The following VPS8 variants were observed in gnomAD, a reference collection of about 807,000 sequenced individuals.
VPS8 encodes vacuolar protein sorting-associated protein 8 homolog.
In VPS8, 129 loss-of-function variants were observed where a neutral mutation model predicts 216.4. That is an observed-to-expected ratio of 0.60 (90% CI 0.52 to 0.69). The LOEUF (loss-of-function observed/expected upper bound fraction) is 0.69. Among genes scored for constraint, VPS8 ranks in the 30% least tolerant of loss-of-function variants. VPS8 has a pLI of 0.00. For synonymous variants in VPS8, 571 were observed against 565.4 expected, an observed-to-expected ratio of 1.01 and a Z score of -0.14; for missense variants, 1,531 against 1,683.5, an observed-to-expected ratio of 0.91 and a Z score of 1.59.
chr3:185,009,282 G>GA (rs1240530426), intron 45 of VPS8, among the ~76,000 whole-genome samples: 55 of 151,982 alleles, frequency 3.6e-4, no homozygotes, highest in African/African-American at 1.2e-3. Flanking sequence ...AATAAAATGT[G>GA]AAAAAAATGC....
chr3:184,974,589 T>C (rs1022414894), intron 40 of VPS8, among the ~76,000 whole-genome samples: 4 of 152,132 alleles, frequency 2.6e-5, no homozygotes, highest in Non-Finnish European at 5.9e-5. Flanking sequence ...TTTTTTGTTT[T>C]CGTTACCTGT....
chr3:184,886,993 A>G (rs1191985623), intron 22 of VPS8, among the ~76,000 whole-genome samples: 1 of 152,226 alleles, frequency 6.6e-6, no homozygotes, highest in Non-Finnish European at 1.5e-5. Context: ...TTTAAAATAA[A>G]TCAGTATAAA....
intron 1 of VPS8, among the ~76,000 whole-genome samples, chr3:184,819,436 A>C (rs1173355508): frequency 6.6e-6 from 1 of 152,214 alleles, no homozygotes; most frequent in African/African-American, 2.4e-5. Flanking sequence ...CTAGTTGTAG[A>C]ATTGCATCCC....
intron 21 of VPS8, among the ~76,000 whole-genome samples, chr3:184,882,692 A>T (rs1730485586): frequency 6.6e-6 from 1 of 152,068 alleles, no homozygotes; most frequent in Non-Finnish European, 1.5e-5. Flanking sequence ...CTAAACATGG[A>T]GATTTATTTT....
intron 45 of VPS8, among the ~76,000 whole-genome samples, chr3:185,006,178 C>A (rs1754222837): frequency 6.6e-6 from 1 of 152,118 alleles, no homozygotes; most frequent in South Asian, 2.1e-4. Context: ...TCCTCTAGCT[C>A]TCTGTGTCCT....
chr3:184,913,221 T>G (rs766017739), intron 25 of VPS8, among the ~76,000 whole-genome samples: 14 of 152,202 alleles, frequency 9.2e-5, no homozygotes, highest in Admixed American at 5.2e-4. Flanking sequence ...ATCAGCTCAT[T>G]GCCTGCCCTA....
rs1470793528 is a variant in VPS8, at chr3:184,928,362, A to C, written c.2632-89A>C. ...TCAACTAAGAATACAAAAGAAAAAA[A>C]TTAAATGTTATAGTCTGCATGGCTG... On this transcript the variant is annotated intron_variant, in intron 31 of 47. Transcript: ENST00000625842. The C allele has an allele frequency of 2.4e-6, 3 of 1,232,324 alleles. No homozygotes were observed. The African/African-American group carries it at 4.8e-5, about 20-fold the overall frequency. 76.3% of individuals were successfully genotyped at this position (1,232,324 alleles called of 1,614,324 possible).
chr3:185,042,489 G>T (rs1711885894), intron 46 of VPS8, among the ~76,000 whole-genome samples: 1 of 152,212 alleles, frequency 6.6e-6, no homozygotes, highest in Non-Finnish European at 1.5e-5. Flanking sequence ...CCCTGGAAGG[G>T]GGTCAGTCTC....
At chr3:184,945,486 G>GA (rs1743513023) in intron 36 of VPS8, among the ~76,000 whole-genome samples, 1 of 152,030 alleles carries the variant, frequency 6.6e-6, no homozygotes, top group Non-Finnish European at 1.5e-5. Flanking sequence ...TGAGAGTGAT[G>GA]ATCAAGTTTT....
At chr3:184,890,521 G>A (rs1357810687) in intron 22 of VPS8, among the ~76,000 whole-genome samples, 1 of 151,896 alleles carries the variant, frequency 6.6e-6, no homozygotes, top group Non-Finnish European at 1.5e-5. Flanking sequence ...TAACTTAGTG[G>A]CACAACCATT....
intron 45 of VPS8, among the ~76,000 whole-genome samples, chr3:185,015,141 G>C (rs1434665103): frequency 6.6e-6 from 1 of 152,254 alleles, no homozygotes; most frequent in Non-Finnish European, 1.5e-5. Flanking sequence ...GCTTTAGCTT[G>C]TTTCCAGGTA....
intron 46 of VPS8, among the ~76,000 whole-genome samples, chr3:185,046,925 C>T (rs1713050552): frequency 6.6e-6 from 1 of 152,172 alleles, no homozygotes; most frequent in Non-Finnish European, 1.5e-5. Flanking sequence ...CCGGCCCTCC[C>T]ATCCCTTCAT....
chr3:184,838,751 G>A lies in VPS8; in HGVS notation c.480+5G>A. On this transcript the variant is annotated splice_donor_5th_base_variant and intron_variant, in intron 6 of 47. Transcript: ENST00000625842. Reference sequence around the variant, plus strand: ...GCTGGCTTGCCTACAGCAATTGTAAGTATACTTTAACTTTTTAAAGGTAAG... The same window carrying A: ...GCTGGCTTGCCTACAGCAATTGTAAATATACTTTAACTTTTTAAAGGTAAG... 6.5e-7 allele frequency: 1 copy of A among 1,542,144 alleles called. No individual in the cohort carries two copies.
In VPS8 at chr3:184,886,482, C is replaced by T. The variant is rs1047933201; in HGVS notation, c.1781+326C>T. Among the ~76,000 whole-genome samples, 16 of 151,412 alleles carry T rather than the reference C, an allele frequency of 1.1e-4. No homozygotes were observed. The South Asian group carries it at 2.1e-3, about 20-fold the overall frequency. On this transcript the variant is annotated intron_variant, in intron 22 of 47. Transcript: ENST00000625842. ...ATGTATATATATATACACACACACA[C>T]GCATATATACACACACATATATATA... is the stretch of plus-strand genomic sequence containing the variant.
intron 45 of VPS8, among the ~76,000 whole-genome samples, chr3:185,012,282 C>CTATAATTTATATATTATATAATTATATT (rs541049606): frequency 1.7e-4 from 25 of 146,016 alleles, no homozygotes; most frequent in East Asian, 9.8e-4. Context: ...GTACATATAT[C>CTATAATTTATATATTATATAATTATATT]TATAATTTAT....
intron 47 of VPS8, 145 bp downstream of exon 47, chr3:185,048,704 A>G (rs1713505491): frequency 2.4e-6 from 2 of 823,182 alleles, no homozygotes; most frequent in Admixed American, 5.3e-5. Flanking sequence ...TGGACAACAG[A>G]CCCTGGCCCC....
At chr3:184,839,307 G>A (rs992778244) in intron 6 of VPS8, 9 of 193,746 alleles carry the variant, frequency 4.6e-5, no homozygotes, top group Admixed American at 3.5e-4. Context: ...AGGCCCCTGC[G>A]GATAAACTAG....
chr3:184,865,255 C>T (rs1442738534), intron 16 of VPS8, among the ~76,000 whole-genome samples: 1 of 152,136 alleles, frequency 6.6e-6, no homozygotes, highest in African/African-American at 2.4e-5. Context: ...TGGTCAAAAA[C>T]TTTTCTAAAA....
At chr3:184,921,538 A>G (rs2109140493) in intron 29 of VPS8, among the ~76,000 whole-genome samples, 1 of 152,046 alleles carries the variant, frequency 6.6e-6, no homozygotes, top group Non-Finnish European at 1.5e-5. Flanking sequence ...TCTTGTAACC[A>G]TGTGCTTAGC....
Sources: gnomAD v4.1 joint callset for allele counts (sites outside exome capture counted in the v4.1 genomes callset) on GRCh38, gnomAD v4.1.1 for gene constraint, MANE v1.5 for transcripts, NCBI Gene and HGNC (gene_info 2026-07-23, HGNC 2026-07-21) for gene names.